STIM2: variants seen among roughly 807,000 people sequenced by gnomAD.
The protein encoded by STIM2 is stromal interaction molecule 2.
A neutral mutation model predicts 85.8 loss-of-function variants in STIM2; 31 were observed. The observed-to-expected ratio is 0.36, with a 90% CI of 0.27 to 0.49. The LOEUF is 0.49. Among genes scored for constraint, STIM2 ranks in the 20% least tolerant of loss-of-function variants. STIM2 has a pLI of 0.98. For missense variants in STIM2, 841 were observed against 927.6 expected, an observed-to-expected ratio of 0.91 and a Z score of 1.21; for synonymous variants, 356 against 331.1, an observed-to-expected ratio of 1.08 and a Z score of -0.82.
At chr4:26,950,408 G>C (rs1046671396) in intron 2 of STIM2, among the ~76,000 whole-genome samples, 3 of 152,184 alleles carry the variant, frequency 2.0e-5, no homozygotes, top group African/African-American at 4.8e-5. Flanking sequence ...ATTGGAAGAA[G>C]CATTATGGCT....
At chr4:26,950,828 C>G (rs1726022921) in intron 2 of STIM2, among the ~76,000 whole-genome samples, 1 of 152,038 alleles carries the variant, frequency 6.6e-6, no homozygotes, top group African/African-American at 2.4e-5. Flanking sequence ...CAAGCAGTGC[C>G]TTGGTGGACC....
intron 5 of STIM2, among the ~76,000 whole-genome samples, chr4:27,001,633 C>G (rs1193568772): frequency 6.6e-6 from 1 of 152,240 alleles, no homozygotes. Flanking sequence ...CACTAGGTGC[C>G]AGTAACCACT....
chr4:26,861,607 G>C (rs533477378), intron 1 of STIM2: 2 of 445,048 alleles, frequency 4.5e-6, no homozygotes, highest in Admixed American at 4.8e-5. Flanking sequence ...CCCTTCAGTC[G>C]GGCTCTCCGA....
intron 1 of STIM2, among the ~76,000 whole-genome samples, chr4:26,869,654 A>G (rs893200630): frequency 4.6e-5 from 7 of 152,018 alleles, no homozygotes; most frequent in Admixed American, 1.3e-4. Flanking sequence ...TTAGCCTCCC[A>G]GGCTGTGAGG....
At chr4:27,021,092 C>A in intron 11 of STIM2, 1 of 1,520,876 alleles carries the variant, frequency 6.6e-7, no homozygotes, top group South Asian at 1.2e-5. Flanking sequence ...GATCCCTGTT[C>A]TTTAATATCT....
rs1483031007 is a variant in STIM2 at position 27,024,846 on chromosome 4, C to T, written c.*1850C>T. ...AACTTTATCCTTCTATTTCTTATAACCAGACAGGAGGAGTTCTTCCCTTTG... is the reference window on the plus strand; with the variant it reads ...AACTTTATCCTTCTATTTCTTATAATCAGACAGGAGGAGTTCTTCCCTTTG... On this transcript the variant is annotated 3_prime_UTR_variant, in exon 12 of 12. Transcript: ENST00000467087. 6.6e-6 allele frequency: 1 copy of T among 152,126 alleles called. No individual in the cohort carries two copies. The highest frequency in any genetic ancestry group is 1.5e-5 in the Non-Finnish European group (1 of 68,026). 9.4% of individuals were successfully genotyped at this position (152,126 alleles called of 1,614,324 possible).
intron 3 of STIM2, among the ~76,000 whole-genome samples, chr4:26,974,334 G>A (rs894912204): frequency 1.3e-5 from 2 of 152,158 alleles, no homozygotes; most frequent in Admixed American, 1.3e-4. Flanking sequence ...AGCCTTGATG[G>A]TCTTTACAAT....
At chr4:26,873,212 C>T (rs1171288681) in intron 1 of STIM2, among the ~76,000 whole-genome samples, 3 of 152,038 alleles carry the variant, frequency 2.0e-5, no homozygotes, top group Admixed American at 6.5e-5. Flanking sequence ...CCAGCCTGGC[C>T]AACATGGTGA....
At chr4:26,919,053 A>G (rs995143705) in intron 1 of STIM2, among the ~76,000 whole-genome samples, 3 of 151,702 alleles carry the variant, frequency 2.0e-5, no homozygotes, top group Admixed American at 2.0e-4. Flanking sequence ...TTTTTTGGTG[A>G]TATTTTCTAG....
At chr4:26,902,558 C>T (rs918867816) in intron 1 of STIM2, among the ~76,000 whole-genome samples, 1 of 152,166 alleles carries the variant, frequency 6.6e-6, no homozygotes, top group Non-Finnish European at 1.5e-5. Flanking sequence ...TACACAGTAA[C>T]AGCAGTTCAG....
chr4:26,919,726 C>A, intron 2 of STIM2, 92 bp downstream of exon 2: 2 of 1,428,190 alleles, frequency 1.4e-6, no homozygotes, highest in South Asian at 1.4e-5. Context: ...CCTCATGTGG[C>A]TCATTGCCTT....
intron 1 of STIM2, among the ~76,000 whole-genome samples, chr4:26,901,794 G>A (rs1336974264): frequency 1.3e-5 from 2 of 152,170 alleles, no homozygotes; most frequent in African/African-American, 2.4e-5. Context: ...GCTTAGGTCT[G>A]ACTCCAGACT....
intron 3 of STIM2, among the ~76,000 whole-genome samples, chr4:26,963,268 T>A (rs915678610): frequency 6.6e-6 from 1 of 152,118 alleles, no homozygotes; most frequent in South Asian, 2.1e-4. Flanking sequence ...TTTAAAAATA[T>A]CTAGAACCTT....
At chr4:26,988,294 G>C (rs1727652471) in intron 3 of STIM2, among the ~76,000 whole-genome samples, 2 of 152,114 alleles carry the variant, frequency 1.3e-5, no homozygotes, top group Admixed American at 1.3e-4. Flanking sequence ...GGTGACCAAG[G>C]AGCACAAAGA....
intron 2 of STIM2, among the ~76,000 whole-genome samples, chr4:26,945,836 G>GTAC (rs1158997462): frequency 1.3e-5 from 2 of 151,574 alleles, no homozygotes; most frequent in Admixed American, 1.3e-4. Flanking sequence ...GGAACTTTTC[G>GTAC]TACTTTTCAC....
chr4:26,927,671 A>C (rs1725002813), intron 2 of STIM2, among the ~76,000 whole-genome samples: 1 of 64,656 alleles, frequency 1.5e-5, no homozygotes, highest in Non-Finnish European at 2.9e-5. Context: ...CCTAAAACTT[A>C]GAGTATAATA....
chr4:26,911,230 A>G (rs1002726963), intron 1 of STIM2, among the ~76,000 whole-genome samples: 2 of 128,902 alleles, frequency 1.6e-5, no homozygotes, highest in Admixed American at 1.5e-4. Flanking sequence ...GTGTGTCTCA[A>G]AAAATAAATA....
In STIM2 at chr4:27,023,638, C is replaced by A. The variant is rs1239883141; in HGVS notation, c.*642C>A. On this transcript the variant is annotated 3_prime_UTR_variant, in exon 12 of 12. Transcript: ENST00000467087. ...CCCGCGCTTTTATTATGGGAAGCTT[C>A]TTGAACTGCATTTACTATTGTGAAG... is the stretch of plus-strand genomic sequence containing the variant. 6.6e-6 allele frequency: 1 copy of A among 152,402 alleles called. No homozygotes were observed. The highest frequency in any genetic ancestry group is 2.4e-5 in the African/African-American group (1 of 41,438). 9.4% of individuals were successfully genotyped at this position (152,402 alleles called of 1,614,324 possible).
chr4:26,975,171 C>T (rs879335561), intron 3 of STIM2, among the ~76,000 whole-genome samples: 4 of 152,182 alleles, frequency 2.6e-5, no homozygotes, highest in South Asian at 2.1e-4. Context: ...AGCTTCCTTG[C>T]GATGGGTTCG....
Sources: allele counts gnomAD v4.1 joint callset (sites outside exome capture counted in the v4.1 genomes callset), GRCh38; gene constraint gnomAD v4.1.1; transcripts MANE v1.5; gene names NCBI Gene and HGNC (gene_info 2026-07-23, HGNC 2026-07-21).